CARNS1: variants seen among roughly 807,000 people sequenced by gnomAD.
CARNS1 encodes the protein carnosine synthase 1.
A neutral mutation model predicts 74.0 loss-of-function variants in CARNS1; 61 were observed. The observed-to-expected ratio is 0.82, with a 90% CI of 0.67 to 1.02. CARNS1 has a LOEUF of 1.02. Among genes scored for constraint, CARNS1 ranks in the 50% least tolerant of loss-of-function variants. The pLI, the probability that CARNS1 is intolerant of heterozygous loss-of-function variation, is 0.00. For synonymous variants in CARNS1, 568 were observed against 605.5 expected, an observed-to-expected ratio of 0.94 and a Z score of 0.91; for missense variants, 1,278 against 1,308.4, an observed-to-expected ratio of 0.98 and a Z score of 0.36.
chr11:67,423,269 G>A lies in CARNS1; in HGVS notation c.1627-106G>A. 1 of 1,119,096 alleles carries A rather than the reference G, an allele frequency of 8.9e-7. No homozygotes were observed. Among genetic ancestry groups the A allele is most frequent in the Non-Finnish European group, 1.3e-6 (1 of 777,300 alleles). The allele number at this position is 1,119,096 out of a possible 1,614,324, so 69.3% of individuals were successfully genotyped here. A position where few individuals can be genotyped will look rare whatever the true frequency, so the allele number is the denominator to read the frequency against. On this transcript the variant is annotated intron_variant, in intron 9 of 9. Coordinates refer to ENST00000687366, the MANE Select transcript of CARNS1 (RefSeq NM_001166222.2). This position sits in a 1 kb window ranked among gnomAD's most constrained non-coding sequence, Gnocchi z 5.1. ...AACACACATTTATTGAGCACCTAGT[G>A]TTTGTGTACTCGTATCCCCTGAAGG...
At chr11:67,422,366 A>G (rs1434997620) in intron 9 of CARNS1, among the ~76,000 whole-genome samples, 1 of 150,974 alleles carries the variant, frequency 6.6e-6, no homozygotes, top group Non-Finnish European at 1.5e-5. Context: ...TATTTTTAGT[A>G]GAGACAGGGT....
At position 67,424,112 on chromosome 11, in the gene CARNS1, G is replaced by T. The variant is rs765354491; in HGVS notation, c.2364G>T (p.Leu788=). The change falls in exon 10 of 10, where the codon CTG becomes CTT. Residue 788 remains leucine, a synonymous_variant. Transcript: ENST00000687366. ...TTCAGGCAGCCTTCCGCTGTTGCCT[G>T]GGCTGCGGGTTGCTCGATGGAGTCT... ...QMVQAAFRCC[L]GCGLLDGVFN... The T allele has an allele frequency of 1.2e-6, 2 of 1,613,860 alleles. No homozygotes were observed. Among genetic ancestry groups the T allele is most frequent in the Non-Finnish European group, 1.7e-6 (2 of 1,179,840 alleles).
rs202022654 is a variant in CARNS1 at position 67,423,856 on chromosome 11, G to A, written c.2108G>A (p.Arg703Gln). ...QCHEHFSRIT[R>Q]DLQGEADHPG... The stretch of plus-strand genomic sequence containing the variant: ...CATGAGCACTTTTCCCGGATTACCC[G>A]AGACTTGCAGGGCGAGGCCGACCAC... The change falls in exon 10 of 10, where the codon CGA becomes CAA. Residue 703 changes from arginine to glutamine, a missense_variant. By Grantham distance (43) the Arg-to-Gln change is conservative (BLOSUM62 1). Coordinates refer to ENST00000687366, the MANE Select transcript of CARNS1 (RefSeq NM_001166222.2). This position sits in a 1 kb window ranked among gnomAD's most constrained non-coding sequence, Gnocchi z 5.1. The A allele has an allele frequency of 6.4e-4, 1,031 of 1,612,980 alleles. 4 individuals are homozygous for A. The highest frequency in any genetic ancestry group is 1.6e-3 in the South Asian group (148 of 91,088).
Position 67,424,160 on chromosome 11 carries a change from C to G in CARNS1, c.2412C>G (p.Thr804=), listed in dbSNP as rs200221645. ...DGVFNVELKL[T]GAGPRLIEIN... Reference sequence around the variant, plus strand: ...TCTTCAACGTGGAGCTCAAGCTGACCGGGGCTGGGCCTCGGCTTATCGAGA... The same window carrying G: ...TCTTCAACGTGGAGCTCAAGCTGACGGGGGCTGGGCCTCGGCTTATCGAGA... The change falls in exon 10 of 10, where the codon ACC becomes ACG. Residue 804 remains threonine, a synonymous_variant. Transcript: ENST00000687366. 7 of 1,613,748 alleles carry G rather than the reference C, an allele frequency of 4.3e-6. No homozygotes were observed. Among genetic ancestry groups the G allele is most frequent in the African/African-American group, 1.3e-5 (1 of 74,896 alleles).
Position 67,420,761 on chromosome 11 carries a change from G to C in CARNS1, c.1266G>C (p.Ala422=). The C allele has an allele frequency of 8.1e-7, 1 of 1,242,182 alleles. No homozygotes were observed. The highest frequency in any genetic ancestry group is 1.0e-6 in the Non-Finnish European group (1 of 996,146). The allele number at this position is 1,242,182 out of a possible 1,614,324, so 76.9% of individuals were successfully genotyped here. A position where few individuals can be genotyped will look rare whatever the true frequency, so the allele number is the denominator to read the frequency against. Residue 422 remains alanine, a synonymous_variant, in exon 8 of 10, where the codon GCG becomes GCC. Coordinates refer to ENST00000687366, the MANE Select transcript of CARNS1 (RefSeq NM_001166222.2). ...RQRVKAAAEA[A]LAAVLALEAG... ...GCGTCAAGGCGGCGGCCGAGGCCGCGCTGGCCGCCGTGCTGGCTCTGGAGG... is the reference window on the plus strand; with the variant it reads ...GCGTCAAGGCGGCGGCCGAGGCCGCCCTGGCCGCCGTGCTGGCTCTGGAGG...
rs1051978077 is a variant in CARNS1, at chr11:67,419,964, A to T, written c.1113+126A>T. 5.4e-5 allele frequency: 50 copies of T among 931,236 alleles called. No individual in the cohort carries two copies. The African/African-American group carries it at 7.9e-4, about 15-fold the overall frequency. The allele number at this position is 931,236 out of a possible 1,614,324, so 57.7% of individuals were successfully genotyped here. A position where few individuals can be genotyped will look rare whatever the true frequency, so the allele number is the denominator to read the frequency against. ...AGGACAAAATCCTTAGGGGGGTCGT[A>T]GTTGCCTCTGGGGAAACTACTGGGT... On this transcript the variant is annotated intron_variant, in intron 7 of 9. Transcript: ENST00000687366.
chr11:67,424,081 A>C lies in CARNS1; in HGVS notation c.2333A>C (p.Gln778Pro). 1 of 1,613,570 alleles carries C rather than the reference A, an allele frequency of 6.2e-7. No homozygotes were observed. The highest frequency in any genetic ancestry group is 8.5e-7 in the Non-Finnish European group (1 of 1,179,784). Residue 778 changes from glutamine (Q) to proline (P), a missense_variant, in exon 10 of 10, where the codon CAG becomes CCG. By Grantham distance (76) the Gln-to-Pro change is moderately conservative (BLOSUM62 -1). This residue lies in a region of CARNS1 where 1,164 missense variants were observed against 1,156.5 expected (regional missense o/e 1.01). Coordinates refer to ENST00000687366, the MANE Select transcript of CARNS1 (RefSeq NM_001166222.2). Reference sequence around the variant, plus strand: ...GGGCTGGCACCAGAGCAGGAGGCACAGATGGTTCAGGCAGCCTTCCGCTGT... The same window carrying C: ...GGGCTGGCACCAGAGCAGGAGGCACCGATGGTTCAGGCAGCCTTCCGCTGT... ...PTGLAPEQEAQMVQAAFRCCL... is the reference protein window; with the variant it reads ...PTGLAPEQEAPMVQAAFRCCL...
In CARNS1 at chr11:67,424,251, C is replaced by G. The variant is rs1250188577; in HGVS notation, c.2503C>G (p.Leu835Val). 1 of 1,613,470 alleles carries G rather than the reference C, an allele frequency of 6.2e-7. No individual in the cohort carries two copies. Among genetic ancestry groups the G allele is most frequent in the Non-Finnish European group, 8.5e-7 (1 of 1,179,892 alleles). Reference protein sequence around the residue: ...WILELYGVDLLLAAVMVACGL... With the variant: ...WILELYGVDLVLAAVMVACGL... Reference sequence around the variant, plus strand: ...CCTGGAGCTCTATGGTGTTGACCTGCTGCTGGCTGCTGTTATGGTGGCCTG... The same window carrying G: ...CCTGGAGCTCTATGGTGTTGACCTGGTGCTGGCTGCTGTTATGGTGGCCTG... Residue 835 changes from leucine to valine, a missense_variant, in exon 10 of 10, where the codon CTG becomes GTG. This residue lies in a region of CARNS1 where 1,164 missense variants were observed against 1,156.5 expected (regional missense o/e 1.01). Transcript: ENST00000687366.
chr11:67,418,641 G>A (rs555213547), intron 4 of CARNS1, 115 bp from the exon 5 acceptor site: 1 of 1,441,006 alleles, frequency 6.9e-7, no homozygotes, highest in East Asian at 2.5e-5. Flanking sequence ...CGGAGCAGCT[G>A]CCATGCTGAA....
chr11:67,418,580 C>T, intron 4 of CARNS1, 60 bp downstream of exon 4: 1 of 1,468,994 alleles, frequency 6.8e-7, no homozygotes, highest in Non-Finnish European at 9.1e-7. Flanking sequence ...CTGCCCTGGC[C>T]CAGCCACATC....
chr11:67,423,563 C>T lies in CARNS1; in HGVS notation c.1815C>T (p.Ala605=), dbSNP rs1217913825. The T allele has an allele frequency of 6.2e-7, 1 of 1,611,618 alleles. No homozygotes were observed. Among genetic ancestry groups the T allele is most frequent in the South Asian group, 1.1e-5 (1 of 90,628 alleles). The change falls in exon 10 of 10, where the codon GCC becomes GCT. Residue 605 remains alanine, a synonymous_variant. Transcript: ENST00000687366. This position sits in a 1 kb window ranked among gnomAD's most constrained non-coding sequence, Gnocchi z 5.1. ...SYWDDCLVLT[A]LLCQELGLPC... is the part of the protein sequence containing the mutation. ...GGGATGACTGCCTGGTGCTCACAGC[C>T]CTGCTCTGCCAGGAGCTAGGTCTGC...
intron 3 of CARNS1, among the ~76,000 whole-genome samples, chr11:67,418,186 G>A (rs1384466299): frequency 6.6e-6 from 1 of 152,180 alleles, no homozygotes; most frequent in Non-Finnish European, 1.5e-5. Flanking sequence ...TCAGAGCTCG[G>A]GCTAGAACTC....
chr11:67,424,039 C>T lies in CARNS1; in HGVS notation c.2291C>T (p.Ala764Val), dbSNP rs747519720. 17 of 1,612,424 alleles carry T rather than the reference C, an allele frequency of 1.1e-5. No homozygotes were observed. The highest frequency in any genetic ancestry group is 1.3e-5 in the African/African-American group (1 of 74,906). Residue 764 changes from alanine to valine, a missense_variant, in exon 10 of 10, where the codon GCG becomes GTG. Transcript: ENST00000687366. ...AGGCTGCCTGGCTTCACTGAGACGGCGGCCTGCATGCCCACCGGGCTGGCA... is the reference window on the plus strand; with the variant it reads ...AGGCTGCCTGGCTTCACTGAGACGGTGGCCTGCATGCCCACCGGGCTGGCA... ...PTRLPGFTET[A>V]ACMPTGLAPE...
chr11:67,415,768 C>T lies in CARNS1; in HGVS notation c.-25+5C>T, dbSNP rs1440136842. 1.3e-5 allele frequency: 2 copies of T among 154,842 alleles called. No homozygotes were observed. Among genetic ancestry groups the T allele is most frequent in the Non-Finnish European group, 2.9e-5 (2 of 69,636 alleles). 9.6% of individuals were successfully genotyped at this position (154,842 alleles called of 1,614,324 possible). ...CCGAGCCGCTGCCGCCGCCAGGTACCCCAGCTCCGGCCCCGCCCCGGGGAG... is the reference window on the plus strand; with the variant it reads ...CCGAGCCGCTGCCGCCGCCAGGTACTCCAGCTCCGGCCCCGCCCCGGGGAG... On this transcript the variant is annotated splice_donor_5th_base_variant and intron_variant, in intron 1 of 9. Coordinates refer to ENST00000687366, the MANE Select transcript of CARNS1 (RefSeq NM_001166222.2).
intron 7 of CARNS1, 115 bp downstream of exon 7, chr11:67,419,953 AG>A: frequency 5.7e-6 from 6 of 1,047,828 alleles, no homozygotes; most frequent in East Asian, 5.2e-5. Flanking sequence ...CAAAATCCTT[AG>A]GGGGGTCGTA....
rs112155556 is a variant in CARNS1 at position 67,424,861 on chromosome 11, C to CCCCACACA, written c.*261_*262insCCACACAC. On this transcript the variant is annotated 3_prime_UTR_variant, in exon 10 of 10. Coordinates refer to ENST00000687366, the MANE Select transcript of CARNS1 (RefSeq NM_001166222.2). ...TCTAGCCTTGGAGAAATGACAATGG[C>CCCCACACA]CACACACACACACACACACACACAC... 1 of 454,268 alleles carries CCCCACACA rather than the reference C, an allele frequency of 2.2e-6. No individual in the cohort carries two copies. Among genetic ancestry groups the CCCCACACA allele is most frequent in the African/African-American group, 2.1e-5 (1 of 46,734 alleles). The allele number at this position is 454,268 out of a possible 1,614,324, so 28.1% of individuals were successfully genotyped here.
At position 67,418,470 on chromosome 11, in the gene CARNS1, C is replaced by T. The variant is rs370093309; in HGVS notation, c.314C>T (p.Ser105Phe). The change falls in exon 4 of 10, where the codon TCC becomes TTC. Residue 105 changes from serine (S) to phenylalanine (F), a missense_variant. Around this residue, in one of 3 missense-constraint regions of CARNS1, gnomAD observed 10 missense variants for 24.7 expected, o/e 0.41. Coordinates refer to ENST00000687366, the MANE Select transcript of CARNS1 (RefSeq NM_001166222.2). ...GAGGTGACCTTGTGCGTTCTGGGCT[C>T]CCCCAGCACCTTTCTGCCTGTGCTG... Reference protein sequence around the residue: ...GAEVTLCVLGSPSTFLPVLLE... With the variant: ...GAEVTLCVLGFPSTFLPVLLE... 40 of 1,484,754 alleles carry T rather than the reference C, an allele frequency of 2.7e-5. No individual in the cohort carries two copies. In the African/African-American group the frequency reaches 4.7e-4, roughly 17 times the overall value. 92.0% of individuals were successfully genotyped at this position (1,484,754 alleles called of 1,614,324 possible).
At chr11:67,419,692 G>T in intron 6 of CARNS1, 31 bp downstream of exon 6, 1 of 1,588,460 alleles carries the variant, frequency 6.3e-7, no homozygotes, top group Non-Finnish European at 8.6e-7. Context: ...CCAGGGATGG[G>T]AGTTTGGTGT....
rs377607783 is a variant in CARNS1 at position 67,423,505 on chromosome 11, G to A, written c.1757G>A (p.Arg586His). ...ARLLAELVRA[R>H]GLKLDGCFSY... The stretch of plus-strand genomic sequence containing the variant: ...CTGCTGGCAGAGTTGGTGCGGGCTC[G>A]CGGCCTCAAGCTAGATGGCTGCTTC... Residue 586 changes from arginine (R) to histidine (H), a missense_variant, in exon 10 of 10, where the codon CGC becomes CAC. Arg to His is a conservative substitution (Grantham distance 29). Coordinates refer to ENST00000687366, the MANE Select transcript of CARNS1 (RefSeq NM_001166222.2). This position sits in a 1 kb window ranked among gnomAD's most constrained non-coding sequence, Gnocchi z 5.1. 3.4e-5 allele frequency: 55 copies of A among 1,613,878 alleles called. 1 individual carries two copies. Among genetic ancestry groups the A allele is most frequent in the African/African-American group, 1.7e-4 (13 of 75,050 alleles).
Sources: allele counts gnomAD v4.1 joint callset (sites outside exome capture counted in the v4.1 genomes callset), GRCh38; gene constraint gnomAD v4.1.1; regional missense constraint gnomAD v4.1.1; non-coding constraint Gnocchi (gnomAD v3.1); transcripts MANE v1.5; gene names NCBI Gene and HGNC (gene_info 2026-07-23, HGNC 2026-07-21).